The following MME variants were observed in gnomAD, a reference collection of about 807,000 sequenced individuals.
MME encodes membrane metalloendopeptidase.
MME carries 98 observed loss-of-function variants against 113.2 expected under a neutral mutation model. The ratio of observed to expected loss-of-function variants is 0.87; its 90% confidence interval spans 0.74 to 1.02. MME has a LOEUF of 1.02. Among genes scored for constraint, MME ranks in the 50% least tolerant of loss-of-function variants. MME has a pLI of 0.00. For synonymous variants in MME, 292 were observed against 300.6 expected, an observed-to-expected ratio of 0.97 and a Z score of 0.30; for missense variants, 836 against 896.0, an observed-to-expected ratio of 0.93 and a Z score of 0.86.
intron 8 of MME, among the ~76,000 whole-genome samples, chr3:155,125,189 G>C (rs142776062): frequency 2.7e-5 from 4 of 148,600 alleles, no homozygotes; most frequent in Non-Finnish European, 6.0e-5. Flanking sequence ...TTCCAGGTGC[G>C]TCCGTCACCC....
At chr3:155,142,163 G>T in intron 11 of MME, 36 bp downstream of exon 11, 1 of 1,613,552 alleles carries the variant, frequency 6.2e-7, no homozygotes, top group South Asian at 1.1e-5. Flanking sequence ...CTCAAAGTTT[G>T]CATTTCATAT....
intron 1 of MME, among the ~76,000 whole-genome samples, chr3:155,027,231 A>C (rs929175411): frequency 2.0e-5 from 3 of 152,010 alleles, no homozygotes; most frequent in African/African-American, 7.3e-5. Context: ...TATTGCCTGG[A>C]TTCCTGCTCT....
chr3:155,126,135 T>C (rs1719631304), intron 8 of MME, among the ~76,000 whole-genome samples: 1 of 152,160 alleles, frequency 6.6e-6, no homozygotes, highest in Non-Finnish European at 1.5e-5. Flanking sequence ...GGGTATGGGA[T>C]ATTTGAGTTC....
intron 8 of MME, among the ~76,000 whole-genome samples, chr3:155,127,072 A>C (rs546028027): frequency 7.9e-5 from 12 of 151,886 alleles, no homozygotes; most frequent in Non-Finnish European, 1.3e-4. Flanking sequence ...AACAGTCCTC[A>C]TCAACATGAT....
chr3:155,094,108 A>G (rs1352087699), intron 3 of MME, among the ~76,000 whole-genome samples: 3 of 152,218 alleles, frequency 2.0e-5, no homozygotes, highest in African/African-American at 7.2e-5. Context: ...TGATATGTGC[A>G]GGAGAAGGGC....
chr3:155,037,404 G>T (rs143497851), intron 1 of MME, among the ~76,000 whole-genome samples: 4,063 of 152,260 alleles, frequency 0.027, 82 homozygotes, highest in South Asian at 0.089. Flanking sequence ...TGAGTAATTT[G>T]CCCCTGTTGG....
chr3:155,127,931 C>T (rs540024788), intron 8 of MME, among the ~76,000 whole-genome samples: 5 of 120,546 alleles, frequency 4.1e-5, no homozygotes, highest in South Asian at 3.2e-4. Context: ...ACTTACAGCC[C>T]GGAAGTTATT....
At chr3:155,078,149 G>C (rs1714828103), upstream of MME, among the ~76,000 whole-genome samples, 1 of 151,974 alleles carries the variant, frequency 6.6e-6, no homozygotes, top group Non-Finnish European at 1.5e-5. Flanking sequence ...TGAGGCAGGA[G>C]AATCGCTTGA....
chr3:155,164,961 G>C (rs1722983319), intron 17 of MME, among the ~76,000 whole-genome samples: 2 of 152,074 alleles, frequency 1.3e-5, no homozygotes, highest in African/African-American at 2.4e-5. Flanking sequence ...TATCCCTGAA[G>C]CCCATGCAAG....
Position 155,044,841 on chromosome 3 carries a change from G to A in MME, c.-11+20517G>A, listed in dbSNP as rs139569078. Among the ~76,000 whole-genome samples the A allele has an allele frequency of 3.3e-5, 5 of 152,126 alleles. No individual in the cohort carries two copies. The South Asian group carries it at 6.2e-4, about 19-fold the overall frequency. On this transcript the variant is annotated intron_variant, in intron 1 of 22. Coordinates refer to the MME transcript ENST00000492661. ...ATTCTTAGGATGAACTGCACTTGAC[G>A]AAGAAGTAGAATTTATTAATTGATC...
At chr3:155,144,609 GA>G in intron 14 of MME, 152 bp downstream of exon 14, 1 of 627,588 alleles carries the variant, frequency 1.6e-6, no homozygotes, top group Admixed American at 2.9e-5. Context: ...AGTTTTTGTG[GA>G]TAAAGATATA....
At chr3:155,079,630 T>TGGGGGGGGGGGGGGGGGGGGGG (rs1455585736), upstream of MME, 1 of 27,486 alleles carries the variant, frequency 3.6e-5, no homozygotes, top group Non-Finnish European at 9.8e-5. Flanking sequence ...GGGTAGGGGG[T>TGGGGGGGGGGGGGGGGGGGGGG]GGGGGGGGTG....
chr3:155,180,665 C>A lies in MME; in HGVS notation c.*206C>A. The A allele has an allele frequency of 5.2e-6, 3 of 575,358 alleles. No individual in the cohort carries two copies. The highest frequency in any genetic ancestry group is 3.1e-5 in the East Asian group (1 of 32,284). The allele number at this position is 575,358 out of a possible 1,614,324, so 35.6% of individuals were successfully genotyped here. A position where few individuals can be genotyped will look rare whatever the true frequency, so the allele number is the denominator to read the frequency against. ...GAAGGGGGTCTAAGGTCTATCAAGTCAATCATTTCTCACTGTGTACATAAT... is the reference window on the plus strand; with the variant it reads ...GAAGGGGGTCTAAGGTCTATCAAGTAAATCATTTCTCACTGTGTACATAAT... On this transcript the variant is annotated 3_prime_UTR_variant, in exon 23 of 23. Transcript: ENST00000360490.
intron 1 of MME, among the ~76,000 whole-genome samples, chr3:155,043,394 C>T (rs1039381144): frequency 2.0e-5 from 3 of 150,808 alleles, no homozygotes; most frequent in East Asian, 2.0e-4. Context: ...TGCAATGGTG[C>T]GATCTTGGCT....
In MME at chr3:155,115,276, C is replaced by T. The variant is rs891469682; in HGVS notation, c.358+121C>T. 7.4e-5 allele frequency: 93 copies of T among 1,255,370 alleles called. No homozygotes were observed. The African/African-American group carries it at 7.4e-4, about 10-fold the overall frequency. The allele number at this position is 1,255,370 out of a possible 1,614,324, so 77.8% of individuals were successfully genotyped here. A position where few individuals can be genotyped will look rare whatever the true frequency, so the allele number is the denominator to read the frequency against. On this transcript the variant is annotated intron_variant, in intron 4 of 22. Coordinates refer to ENST00000360490, the MANE Select transcript of MME (RefSeq NM_007289.4). Reference sequence around the variant, plus strand: ...AAGATTAAAAAGTTAATAATCCTTCCAGGATTTGTGTACCACCACCAAGTC... The same window carrying T: ...AAGATTAAAAAGTTAATAATCCTTCTAGGATTTGTGTACCACCACCAAGTC...
chr3:155,053,038 C>T (rs1169653808), intron 1 of MME, among the ~76,000 whole-genome samples: 1 of 152,156 alleles, frequency 6.6e-6, no homozygotes, highest in Non-Finnish European at 1.5e-5. Flanking sequence ...CAACAAGTTC[C>T]TCATTGCCAT....
intron 17 of MME, among the ~76,000 whole-genome samples, chr3:155,161,239 G>A (rs1273124841): frequency 6.6e-6 from 1 of 151,808 alleles, no homozygotes; most frequent in Non-Finnish European, 1.5e-5. Flanking sequence ...CATTAGAAAG[G>A]TACTCAACTG....
In MME at chr3:155,101,643, A is replaced by G. The variant is rs770797999; in HGVS notation, c.197-13351A>G. On this transcript the variant is annotated intron_variant, in intron 3 of 22. Transcript: ENST00000360490. ...GAAATCTAGCTTAGCTCTTAACCTCATGACCTTTTGCCAGACCACGGAGAA... is the reference window on the plus strand; with the variant it reads ...GAAATCTAGCTTAGCTCTTAACCTCGTGACCTTTTGCCAGACCACGGAGAA... 2.0e-5 allele frequency among the ~76,000 whole-genome samples: 3 copies of G among 152,006 alleles called. 1 individual carries two copies. Among genetic ancestry groups the G allele is most frequent in the Non-Finnish European group, 2.9e-5 (2 of 67,972 alleles).
At chr3:155,109,975 T>A (rs1171682991) in intron 3 of MME, among the ~76,000 whole-genome samples, 1 of 152,226 alleles carries the variant, frequency 6.6e-6, no homozygotes, top group Non-Finnish European at 1.5e-5. Context: ...CCTGTCTGGT[T>A]ACTCCACTAT....
Sources: gnomAD v4.1 joint callset for allele counts (sites outside exome capture counted in the v4.1 genomes callset) on GRCh38, gnomAD v4.1.1 for gene constraint, MANE v1.5 for transcripts, NCBI Gene and HGNC (gene_info 2026-07-23, HGNC 2026-07-21) for gene names.